PTPRU: variants seen among roughly 807,000 people sequenced by gnomAD.
PTPRU encodes receptor-type tyrosine-protein phosphatase U.
Under a neutral mutation model 166.3 loss-of-function variants are expected in PTPRU, and 69 were observed. The observed-to-expected ratio is 0.41, with a 90% confidence interval of 0.34 to 0.51. The LOEUF (loss-of-function observed/expected upper bound fraction) is 0.51, where lower values mean the gene tolerates loss of function less well. PTPRU is among the 20% of genes least tolerant of loss of function. The probability of loss-of-function intolerance (pLI) is 0.09; values close to 1 mark genes in which losing one functional copy is unlikely to be tolerated. For synonymous variants in PTPRU, 793 were observed against 814.0 expected, an observed-to-expected ratio of 0.97 and a Z score of 0.44; for missense variants, 1,657 against 2,013.7, an observed-to-expected ratio of 0.82 and a Z score of 3.39.
intron 7 of PTPRU, among the ~76,000 whole-genome samples, chr1:29,266,296 G>A (rs559064673): frequency 3.3e-5 from 5 of 152,078 alleles, no homozygotes; most frequent in African/African-American, 1.2e-4. Flanking sequence ...ACCGCGCCTG[G>A]CCTCCTGTTT....
intron 7 of PTPRU, among the ~76,000 whole-genome samples, chr1:29,263,912 C>T (rs548065217): frequency 9.2e-5 from 14 of 152,192 alleles, no homozygotes; most frequent in African/African-American, 3.4e-4. Context: ...GGTGGTGGCT[C>T]ATGCCTGTAA....
chr1:29,267,049 A>AC (rs370084889), intron 7 of PTPRU, among the ~76,000 whole-genome samples: 97 of 152,224 alleles, frequency 6.4e-4, no homozygotes, highest in African/African-American at 1.9e-3. Flanking sequence ...ACATAGCAAA[A>AC]CCCTGTCTCT....
chr1:29,306,195 G>C (rs1687383069), intron 18 of PTPRU, among the ~76,000 whole-genome samples: 2 of 152,260 alleles, frequency 1.3e-5, no homozygotes, highest in South Asian at 4.1e-4. Context: ...AGGGGCCAGA[G>C]ACAGAGCAGG....
chr1:29,320,575 C>T lies in PTPRU; in HGVS notation c.3688-110C>T. On this transcript the variant is annotated intron_variant, in intron 25 of 29. Transcript: ENST00000373779. The surrounding 1 kb of genome is among the most constrained non-coding windows in gnomAD (Gnocchi z 5.2). The stretch of plus-strand genomic sequence containing the variant: ...CTGGAGGCAGCCTGGTCCTGTGGGG[C>T]ACAACCGTCCAACTCAGGGTGGGCA... The T allele has an allele frequency of 7.8e-7, 1 of 1,290,092 alleles. No individual in the cohort carries two copies. The highest frequency in any genetic ancestry group is 1.0e-6 in the Non-Finnish European group (1 of 969,712). The allele number at this position is 1,290,092 out of a possible 1,614,324, so 79.9% of individuals were successfully genotyped here. A position where few individuals can be genotyped will look rare whatever the true frequency, so the allele number is the denominator to read the frequency against.
At chr1:29,297,730 AGGCAGGAAACATGGGCTCTG>A (rs1430090059) in intron 15 of PTPRU, among the ~76,000 whole-genome samples, 1 of 152,120 alleles carries the variant, frequency 6.6e-6, no homozygotes, top group African/African-American at 2.4e-5. Context: ...AGACAGAGAG[AGGCAGGAAACATGGGCTCTG>A]CTCCTGGGAT....
rs1450677749 is a variant in PTPRU, at chr1:29,320,428, C to A, written c.3688-257C>A. ...CTCAGCCTCATGCCCAAGCTCCCCT[C>A]GCCATACCTTTGGAAACTTTTGCTG... On this transcript the variant is annotated intron_variant, in intron 25 of 29. Coordinates refer to ENST00000373779, the MANE Select transcript of PTPRU (RefSeq NM_133178.4). This position sits in a 1 kb window ranked among gnomAD's most constrained non-coding sequence, Gnocchi z 5.2. 3 of 378,746 alleles carry A rather than the reference C, an allele frequency of 7.9e-6. No homozygotes were observed. The Admixed American group carries it at 1.3e-4, about 17-fold the overall frequency. 23.5% of individuals were successfully genotyped at this position (378,746 alleles called of 1,614,324 possible).
In PTPRU at chr1:29,279,617, C is replaced by T. The variant is rs187052302; in HGVS notation, c.1725C>T (p.Phe575=). ...TGCGGGCCCGCACAGGCAAAGGCTTCGGCCAGGCGGCACTCACTGAGATAA... is the reference window on the plus strand; with the variant it reads ...TGCGGGCCCGCACAGGCAAAGGCTTTGGCCAGGCGGCACTCACTGAGATAA... ...FSVRARTGKG[F]GQAALTEITT... is the part of the protein sequence containing the mutation. The change falls in exon 10 of 30, where the codon TTC becomes TTT. Residue 575 remains phenylalanine (F), a synonymous_variant. Coordinates refer to ENST00000373779, the MANE Select transcript of PTPRU (RefSeq NM_133178.4). This position sits in a 1 kb window ranked among gnomAD's most constrained non-coding sequence, Gnocchi z 5.2. The T allele has an allele frequency of 1.7e-5, 28 of 1,613,460 alleles. 1 individual carries two copies. Among genetic ancestry groups the T allele is most frequent in the African/African-American group, 9.3e-5 (7 of 75,060 alleles).
chr1:29,266,511 G>A (rs1300669825), intron 7 of PTPRU, among the ~76,000 whole-genome samples: 1 of 152,190 alleles, frequency 6.6e-6, no homozygotes, highest in East Asian at 1.9e-4. Flanking sequence ...CTGGTTTAAT[G>A]TCACACTTTG....
rs1687628806 is a variant in PTPRU at position 29,310,979 on chromosome 1, T to C, written c.2857+199T>C. ...CTTGGAATCTGGCCAACTGCCTTTGTCCCCTCTTTGTGTTTGTGTCTCCCT... is the reference window on the plus strand; with the variant it reads ...CTTGGAATCTGGCCAACTGCCTTTGCCCCCTCTTTGTGTTTGTGTCTCCCT... On this transcript the variant is annotated intron_variant, in intron 19 of 29. Coordinates refer to ENST00000373779, the MANE Select transcript of PTPRU (RefSeq NM_133178.4). Among the ~76,000 whole-genome samples, 3 of 152,166 alleles carry C rather than the reference T, an allele frequency of 2.0e-5. No homozygotes were observed. In the South Asian group the frequency reaches 6.2e-4, roughly 32 times the overall value.
intron 15 of PTPRU, among the ~76,000 whole-genome samples, chr1:29,303,338 T>G (rs1172253313): frequency 1.3e-5 from 2 of 152,230 alleles, no homozygotes; most frequent in Non-Finnish European, 2.9e-5. Flanking sequence ...CCGCACAGGC[T>G]GACGGTGGAA....
At chr1:29,303,428 G>A (rs116576413) in intron 15 of PTPRU, among the ~76,000 whole-genome samples, 4,551 of 152,314 alleles carry the variant, frequency 0.03, 240 homozygotes, top group African/African-American at 0.1. Context: ...GCTAATTTCT[G>A]ATTTGCCTGT....
intron 1 of PTPRU, among the ~76,000 whole-genome samples, chr1:29,249,700 C>G (rs1684465032): frequency 6.6e-6 from 1 of 152,218 alleles, no homozygotes; most frequent in Non-Finnish European, 1.5e-5. Context: ...CCCCTGTCCT[C>G]ACCAGTTTCT....
At position 29,282,772 on chromosome 1, in the gene PTPRU, G is replaced by A. The variant is rs765600568; in HGVS notation, c.1965G>A (p.Ala655=). The A allele has an allele frequency of 5.0e-6, 8 of 1,614,084 alleles. No individual in the cohort carries two copies. In the South Asian group the frequency reaches 5.5e-5, roughly 11 times the overall value. Residue 655 remains alanine, a synonymous_variant, in exon 12 of 30, where the codon GCG becomes GCA. Coordinates refer to ENST00000373779, the MANE Select transcript of PTPRU (RefSeq NM_133178.4). ...TCCCAGTGCCATTGACCTTCGAGGC[G>A]GCGCTGGCCCGAGGCCTGGTGCACT... ...DCFPVPLTFE[A]ALARGLVHYF...
At position 29,310,973 on chromosome 1, in the gene PTPRU, C is replaced by T. The variant is rs558880829; in HGVS notation, c.2857+193C>T. On this transcript the variant is annotated intron_variant, in intron 19 of 29. Transcript: ENST00000373779. ...GGATCTCTTGGAATCTGGCCAACTG[C>T]CTTTGTCCCCTCTTTGTGTTTGTGT... Among the ~76,000 whole-genome samples the T allele has an allele frequency of 9.3e-4, 141 of 152,308 alleles. No homozygotes were observed. In the Middle Eastern group the frequency reaches 0.017, roughly 18 times the overall value.
At position 29,236,886 on chromosome 1, in the gene PTPRU, ATGT is replaced by A. The variant is rs1683793458; in HGVS notation, c.73+173_73+175del. 6.6e-6 allele frequency among the ~76,000 whole-genome samples: 1 copy of A among 152,012 alleles called. No homozygotes were observed. Among genetic ancestry groups the A allele is most frequent in the African/African-American group, 2.4e-5 (1 of 41,400 alleles). On this transcript the variant is annotated intron_variant, in intron 1 of 29. Coordinates refer to ENST00000373779, the MANE Select transcript of PTPRU (RefSeq NM_133178.4). The surrounding 1 kb of genome is among the most constrained non-coding windows in gnomAD (Gnocchi z 4.6). ...TGCCCGGGGTGTTGCGTGACTGCGA[ATGT>A]TGTGTGTCCGTGAGTTCTGTGCGCA...
Position 29,260,718 on chromosome 1 carries a change from A to G in PTPRU, c.959A>G (p.Lys320Arg). ...SIIGDGPIVRKEIEYRMARGP... is the reference protein window; with the variant it reads ...SIIGDGPIVRREIEYRMARGP... ...ATTGGCGACGGGCCGATCGTGCGCA[A>G]GGAGATTGAGTACCGCATGGCGCGC... Residue 320 changes from lysine (K) to arginine (R), a missense_variant, in exon 7 of 30, where the codon AAG becomes AGG. Coordinates refer to ENST00000373779, the MANE Select transcript of PTPRU (RefSeq NM_133178.4). This position sits in a 1 kb window ranked among gnomAD's most constrained non-coding sequence, Gnocchi z 8.3. 1.2e-6 allele frequency: 2 copies of G among 1,603,624 alleles called. No homozygotes were observed. Among genetic ancestry groups the G allele is most frequent in the Non-Finnish European group, 1.7e-6 (2 of 1,174,482 alleles).
intron 28 of PTPRU, among the ~76,000 whole-genome samples, chr1:29,324,899 C>T (rs1025486843): frequency 1.3e-5 from 2 of 150,154 alleles, no homozygotes; most frequent in Non-Finnish European, 3.0e-5. Context: ...CACCTCTGGA[C>T]TCTTTGGCCC....
rs1557430926 is a variant in PTPRU at position 29,269,242 on chromosome 1, A to ATTTTTT, written c.1145-6205_1145-6204insTTTTTT. 1.9e-3 allele frequency among the ~76,000 whole-genome samples: 54 copies of ATTTTTT among 28,888 alleles called. 1 individual carries two copies. Among genetic ancestry groups the ATTTTTT allele is most frequent in the Non-Finnish European group, 3.6e-3 (49 of 13,524 alleles). The allele number at this position is 28,888 out of a possible 152,430, so 19.0% of individuals were successfully genotyped here. On this transcript the variant is annotated intron_variant, in intron 7 of 29. Coordinates refer to ENST00000373779, the MANE Select transcript of PTPRU (RefSeq NM_133178.4). ...TACATATATATATATATATATATAT[A>ATTTTTT]TATATTTTTTTTTTTTTTTTTTTTT... is the stretch of plus-strand genomic sequence containing the variant.
Position 29,280,024 on chromosome 1 carries a change from T to C in PTPRU, c.1766-15T>C. The C allele has an allele frequency of 1.2e-6, 2 of 1,606,484 alleles. No individual in the cohort carries two copies. Among genetic ancestry groups the C allele is most frequent in the Non-Finnish European group, 1.7e-6 (2 of 1,173,504 alleles). ...GTGGCCAAGCTCCAGCTTGTGACCC[T>C]GTCCCCTTCTCCAGCTCCCAGCTTT... On this transcript the variant is annotated splice_polypyrimidine_tract_variant and intron_variant, in intron 10 of 29. Transcript: ENST00000373779. This position sits in a 1 kb window ranked among gnomAD's most constrained non-coding sequence, Gnocchi z 4.2.
Sources: allele counts gnomAD v4.1 joint callset (sites outside exome capture counted in the v4.1 genomes callset), GRCh38; gene constraint gnomAD v4.1.1; non-coding constraint Gnocchi (gnomAD v3.1); transcripts MANE v1.5; gene names NCBI Gene and HGNC (gene_info 2026-07-23, HGNC 2026-07-21).